Variants in CAMKMT observed in about 807,000 individuals in gnomAD.
The protein encoded by CAMKMT is CaM KMT.
A neutral mutation model predicts 48.0 loss-of-function variants in CAMKMT; 53 were observed. The ratio of observed to expected loss-of-function variants is 1.10; its 90% CI spans 0.89 to 1.39. The LOEUF (loss-of-function observed/expected upper bound fraction) is 1.39. Ranked by LOEUF, CAMKMT falls within the 40% of genes most tolerant of loss-of-function variation. The pLI is 0.00. For synonymous variants in CAMKMT, 165 were observed against 152.3 expected (o/e 1.08, Z -0.61); for missense variants, 428 against 402.7 (o/e 1.06, Z -0.54).
chr2:44,615,986 G>A (rs533358185), intron 3 of CAMKMT, among the ~76,000 whole-genome samples: 1 of 152,254 alleles, frequency 6.6e-6, no homozygotes, highest in East Asian at 1.9e-4. Flanking sequence ...TCTCCCTCTA[G>A]TTTCCCTAGA....
intron 3 of CAMKMT, among the ~76,000 whole-genome samples, chr2:44,650,219 T>C (rs1056747167): frequency 2.6e-5 from 4 of 152,204 alleles, no homozygotes; most frequent in African/African-American, 7.2e-5. Context: ...TAGCTTCTGC[T>C]GTCAATCTTT....
intron 3 of CAMKMT, among the ~76,000 whole-genome samples, chr2:44,591,371 T>A (rs1276462402): frequency 6.6e-6 from 1 of 152,182 alleles, no homozygotes; most frequent in Non-Finnish European, 1.5e-5. Context: ...CGATATTGAT[T>A]CTTCCTACCC....
At chr2:44,548,628 A>G (rs1667533545) in intron 3 of CAMKMT, among the ~76,000 whole-genome samples, 1 of 152,190 alleles carries the variant, frequency 6.6e-6, no homozygotes, top group South Asian at 2.1e-4. Context: ...TAATGACATA[A>G]CCCCTTTAAA....
intron 3 of CAMKMT, among the ~76,000 whole-genome samples, chr2:44,441,808 G>A (rs952540573): frequency 6.6e-6 from 1 of 152,098 alleles, no homozygotes; most frequent in African/African-American, 2.4e-5. Flanking sequence ...TATTTATAAG[G>A]AACCACAGTT....
chr2:44,426,107 C>G (rs928800152), intron 3 of CAMKMT, among the ~76,000 whole-genome samples: 3 of 152,070 alleles, frequency 2.0e-5, no homozygotes, highest in Admixed American at 2.0e-4. Context: ...ATCATTTTAC[C>G]AAGTAATTTA....
chr2:44,490,317 C>T (rs775692661), intron 3 of CAMKMT, among the ~76,000 whole-genome samples: 20 of 151,764 alleles, frequency 1.3e-4, no homozygotes, highest in Non-Finnish European at 2.2e-4. Flanking sequence ...CTCTCGTTGC[C>T]CAGACTGGAG....
intron 3 of CAMKMT, among the ~76,000 whole-genome samples, chr2:44,462,732 TA>T (rs1199971992): frequency 1.3e-5 from 2 of 152,168 alleles, no homozygotes; most frequent in African/African-American, 4.8e-5. Flanking sequence ...AGAGGAACAT[TA>T]TATGAATGAA....
intron 3 of CAMKMT, among the ~76,000 whole-genome samples, chr2:44,402,195 G>A (rs1682436026): frequency 6.6e-6 from 1 of 151,994 alleles, no homozygotes; most frequent in Admixed American, 6.5e-5. Context: ...CAGGCCTGGT[G>A]GCAGGTGCCT....
intron 7 of CAMKMT, among the ~76,000 whole-genome samples, chr2:44,716,098 G>A (rs1678162480): frequency 6.6e-6 from 1 of 152,106 alleles, no homozygotes; most frequent in Non-Finnish European, 1.5e-5. Flanking sequence ...TGAAACAGCT[G>A]TATTTGTGCA....
intron 7 of CAMKMT, among the ~76,000 whole-genome samples, chr2:44,740,978 G>A (rs1679645477): frequency 1.3e-5 from 2 of 152,176 alleles, no homozygotes; most frequent in Non-Finnish European, 2.9e-5. Flanking sequence ...GTAAAGATAG[G>A]TTTGGAGGAG....
intron 3 of CAMKMT, among the ~76,000 whole-genome samples, chr2:44,495,794 T>G (rs918206186): frequency 6.6e-6 from 1 of 152,188 alleles, no homozygotes; most frequent in African/African-American, 2.4e-5. Flanking sequence ...TGTTCCACAT[T>G]ATGAGCCCAC....
chr2:44,615,766 A>C (rs909293856), intron 3 of CAMKMT, among the ~76,000 whole-genome samples: 1 of 152,194 alleles, frequency 6.6e-6, no homozygotes, highest in African/African-American at 2.4e-5. Context: ...CAGAATGAGA[A>C]TAATAGGGGG....
intron 3 of CAMKMT, among the ~76,000 whole-genome samples, chr2:44,524,695 T>C (rs1671307770): frequency 6.6e-6 from 1 of 152,230 alleles, no homozygotes. Flanking sequence ...ATCCCTCTGT[T>C]AGCCTTTATC....
At chr2:44,733,244 TTAAG>T (rs1412686381) in intron 7 of CAMKMT, among the ~76,000 whole-genome samples, 1 of 152,210 alleles carries the variant, frequency 6.6e-6, no homozygotes, top group Non-Finnish European at 1.5e-5. Flanking sequence ...AGAATTATCT[TTAAG>T]TGTTTCATAT....
chr2:44,413,098 TTAAATAAA>T (rs530249634), intron 3 of CAMKMT, among the ~76,000 whole-genome samples: 13 of 151,516 alleles, frequency 8.6e-5, no homozygotes, highest in South Asian at 2.1e-4. Flanking sequence ...ATAAAATAAA[TTAAATAAA>T]TAAATAAATA....
intron 3 of CAMKMT, among the ~76,000 whole-genome samples, chr2:44,583,285 C>T (rs1020771585): frequency 9.9e-5 from 15 of 152,074 alleles, no homozygotes; most frequent in Admixed American, 3.3e-4. Context: ...CACACACAGT[C>T]CCTGCTCTCA....
intron 3 of CAMKMT, among the ~76,000 whole-genome samples, chr2:44,487,020 T>C (rs1669248585): frequency 6.6e-6 from 1 of 152,256 alleles, no homozygotes. Context: ...GTAATTCTTA[T>C]CAGCACTGAA....
chr2:44,523,211 A>T (rs899253965), intron 3 of CAMKMT, among the ~76,000 whole-genome samples: 8 of 151,880 alleles, frequency 5.3e-5, no homozygotes, highest in African/African-American at 1.9e-4. Context: ...CTGTAGGTCA[A>T]GAATTTGGGA....
chr2:44,588,879 T>G (rs1457818310), intron 3 of CAMKMT, among the ~76,000 whole-genome samples: 1 of 17,084 alleles, frequency 5.9e-5, no homozygotes, highest in Non-Finnish European at 1.1e-4. Flanking sequence ...AGGTGGGGGG[T>G]CAGCCCCCGA....
Sources: allele counts gnomAD v4.1 joint callset (sites outside exome capture counted in the v4.1 genomes callset), GRCh38; gene constraint gnomAD v4.1.1; transcripts MANE v1.5; gene names NCBI Gene and HGNC (gene_info 2026-07-23, HGNC 2026-07-21).